The following FBXL4 variants were observed in gnomAD, a reference collection of about 807,000 sequenced individuals.
FBXL4 encodes the protein F-box/LRR-repeat protein 4.
Under a neutral mutation model 58.9 loss-of-function variants are expected in FBXL4, and 40 were observed. That is an observed-to-expected ratio of 0.68 (90% confidence interval 0.53 to 0.88). FBXL4 has a LOEUF of 0.88. FBXL4 is among the 40% of genes least tolerant of loss of function. FBXL4 has a pLI of 0.00. For missense variants in FBXL4, 676 were observed against 734.4 expected (o/e 0.92, Z 0.92); for synonymous variants, 263 against 265.5 (o/e 0.99, Z 0.09).
In FBXL4 at chr6:98,869,484, T is replaced by A. The variant is rs868409169; in HGVS notation, c.*4794A>T. ...TGTGTCTCTATAAAAAATAAAAAAA[T>A]TAGCCAGGTGTGGTGGTGTCTGTAG... On this transcript the variant is annotated 3_prime_UTR_variant, in exon 10 of 10. Coordinates refer to ENST00000369244, the MANE Select transcript of FBXL4 (RefSeq NM_001278716.2). The A allele has an allele frequency of 6.6e-6, 1 of 152,114 alleles. No homozygotes were observed. The highest frequency in any genetic ancestry group is 2.4e-5 in the African/African-American group (1 of 41,420). The allele number at this position is 152,114 out of a possible 1,614,324, so 9.4% of individuals were successfully genotyped here.
At chr6:98,898,806 A>T (rs1310649986) in intron 7 of FBXL4, 16 of 985,356 alleles carry the variant, frequency 1.6e-5, no homozygotes, top group Non-Finnish European at 1.8e-5. Context: ...TGAAAAAGCA[A>T]GTAGACTAAT....
chr6:98,920,470 T>C (rs1198483021), intron 4 of FBXL4, among the ~76,000 whole-genome samples: 2 of 152,106 alleles, frequency 1.3e-5, no homozygotes, highest in Non-Finnish European at 2.9e-5. Context: ...TGTCTAAATA[T>C]TAAAAATTTC....
intron 1 of FBXL4, among the ~76,000 whole-genome samples, chr6:98,944,627 T>C (rs72627763): frequency 0.021 from 3,181 of 152,244 alleles, 175 homozygotes; most frequent in East Asian, 0.19. Context: ...ATCTTTTCAG[T>C]GGTGTTTATA....
intron 1 of FBXL4, 148 bp from the exon 2 acceptor site, chr6:98,935,027 TA>T (rs1483632185): frequency 6.6e-6 from 1 of 152,126 alleles, no homozygotes; most frequent in Non-Finnish European, 1.5e-5. Context: ...AGTTAATGAA[TA>T]AAGGGCAGGA....
At chr6:98,928,590 A>T (rs918520051) in intron 2 of FBXL4, among the ~76,000 whole-genome samples, 1 of 152,174 alleles carries the variant, frequency 6.6e-6, no homozygotes, top group Non-Finnish European at 1.5e-5. Context: ...TCGGCCTCCC[A>T]AAGTGCTGGG....
chr6:98,887,946 T>C (rs1162462000), intron 7 of FBXL4, among the ~76,000 whole-genome samples: 5 of 152,220 alleles, frequency 3.3e-5, no homozygotes, highest in Admixed American at 1.3e-4. Flanking sequence ...TTAGAGAACA[T>C]GCCTATGGAA....
rs200592647 is a variant in FBXL4 at position 98,917,732 on chromosome 6, G to C, written c.513-13C>G. 3 of 1,566,298 alleles carry C rather than the reference G, an allele frequency of 1.9e-6. No individual in the cohort carries two copies. ...AAGAATCTCCCATCTGCCAAAAAAAGAAACTTCCCTATAATACAGTTTAGA... is the reference window on the plus strand; with the variant it reads ...AAGAATCTCCCATCTGCCAAAAAAACAAACTTCCCTATAATACAGTTTAGA... On this transcript the variant is annotated splice_polypyrimidine_tract_variant and intron_variant, in intron 4 of 9. Coordinates refer to ENST00000369244, the MANE Select transcript of FBXL4 (RefSeq NM_001278716.2).
At chr6:98,893,248 T>G (rs1367559823) in intron 7 of FBXL4, among the ~76,000 whole-genome samples, 1 of 152,250 alleles carries the variant, frequency 6.6e-6, no homozygotes, top group Non-Finnish European at 1.5e-5. Context: ...GTATTAGTTT[T>G]CTAGGGCTGC....
Position 98,927,018 on chromosome 6 carries a change from T to C in FBXL4, c.-30A>G, listed in dbSNP as rs778398869. On this transcript the variant is annotated 5_prime_UTR_variant, in exon 4 of 10. The change abolishes the stop of an existing upstream ORF in the 5' untranslated region. Transcript: ENST00000369244. ...ATGTGAATTATGAAGCTTCAAAAGG[T>C]CAGGTGTCCTCAGTAAGATGCATGA... 2.5e-6 allele frequency: 4 copies of C among 1,599,184 alleles called. No individual in the cohort carries two copies. The highest frequency in any genetic ancestry group is 3.4e-6 in the Non-Finnish European group (4 of 1,171,128).
At chr6:98,911,398 G>T (rs888836062) in intron 5 of FBXL4, among the ~76,000 whole-genome samples, 1 of 152,184 alleles carries the variant, frequency 6.6e-6, no homozygotes, top group Non-Finnish European at 1.5e-5. Flanking sequence ...CCTGACCCCT[G>T]ACCCCCAAGC....
intron 4 of FBXL4, among the ~76,000 whole-genome samples, chr6:98,920,141 A>G (rs1236184587): frequency 6.6e-6 from 1 of 152,208 alleles, no homozygotes; most frequent in African/African-American, 2.4e-5. Flanking sequence ...CAAATTAAAA[A>G]TTATAAATAT....
At chr6:98,888,821 T>C (rs1208336091) in intron 7 of FBXL4, among the ~76,000 whole-genome samples, 1 of 152,206 alleles carries the variant, frequency 6.6e-6, no homozygotes, top group Non-Finnish European at 1.5e-5. Context: ...AAACATACTC[T>C]AGGTGCATGC....
In FBXL4 at chr6:98,908,420, T is replaced by C. The variant is rs7752272; in HGVS notation, c.859-2750A>G. Among the ~76,000 whole-genome samples, 673 of 152,330 alleles carry C rather than the reference T, an allele frequency of 4.4e-3. 6 individuals carry two copies. The highest frequency in any genetic ancestry group is 0.016 in the African/African-American group (646 of 41,588). On this transcript the variant is annotated intron_variant, in intron 5 of 9. Transcript: ENST00000369244. The stretch of plus-strand genomic sequence containing the variant: ...GTGACATAATTCAACTAGTTCCTCA[T>C]TGATGTATGTCCTGCTTTTTTTCCT...
At chr6:98,921,875 GTCA>G (rs1458889846) in intron 4 of FBXL4, among the ~76,000 whole-genome samples, 1 of 151,648 alleles carries the variant, frequency 6.6e-6, no homozygotes, top group East Asian at 1.9e-4. Context: ...ACCTCTATTT[GTCA>G]TCTTCTTCTT....
intron 6 of FBXL4, among the ~76,000 whole-genome samples, chr6:98,900,055 A>C (rs1335693047): frequency 6.6e-6 from 1 of 152,222 alleles, no homozygotes; most frequent in Non-Finnish European, 1.5e-5. Context: ...CTTGATATTG[A>C]AAATATTCAA....
At chr6:98,904,246 A>G (rs940422712) in intron 6 of FBXL4, among the ~76,000 whole-genome samples, 2 of 152,164 alleles carry the variant, frequency 1.3e-5, no homozygotes, top group Admixed American at 6.6e-5. Context: ...AGTAGAAAGG[A>G]CTAAACTGTG....
At chr6:98,887,519 C>T (rs575451294) in intron 7 of FBXL4, among the ~76,000 whole-genome samples, 1 of 152,216 alleles carries the variant, frequency 6.6e-6, no homozygotes, top group Non-Finnish European at 1.5e-5. Context: ...GGGAGAATTT[C>T]AAGTCATAGA....
intron 1 of FBXL4, among the ~76,000 whole-genome samples, chr6:98,945,484 A>G (rs1190592785): frequency 6.6e-6 from 1 of 152,190 alleles, no homozygotes; most frequent in African/African-American, 2.4e-5. Context: ...TTTATGGAAC[A>G]AGGTTACTGG....
At position 98,871,894 on chromosome 6, in the gene FBXL4, T is replaced by C. The variant is rs1455745059; in HGVS notation, c.*2384A>G. 2.0e-5 allele frequency: 3 copies of C among 152,220 alleles called. No individual in the cohort carries two copies. Among genetic ancestry groups the C allele is most frequent in the African/African-American group, 4.8e-5 (2 of 41,462 alleles). 9.4% of individuals were successfully genotyped at this position (152,220 alleles called of 1,614,324 possible). A position where few individuals can be genotyped will look rare whatever the true frequency, so the allele number is the denominator to read the frequency against. On this transcript the variant is annotated 3_prime_UTR_variant, in exon 10 of 10. Transcript: ENST00000369244. ...TGACATTTTTCTGAAAAAGAAGACA[T>C]GTCCTCAATCACTATTATGGAACAC...
Sources: allele counts gnomAD v4.1 joint callset (sites outside exome capture counted in the v4.1 genomes callset), GRCh38; gene constraint gnomAD v4.1.1; transcripts MANE v1.5; gene names NCBI Gene and HGNC (gene_info 2026-07-23, HGNC 2026-07-21).